The following CAMK2G variants were observed in gnomAD, a reference collection of about 807,000 sequenced individuals.
CAMK2G encodes the protein calcium/calmodulin-dependent protein kinase type II subunit gamma.
In CAMK2G, 23 loss-of-function variants were observed where a neutral mutation model predicts 88.7. That is an observed-to-expected ratio of 0.26 (90% CI 0.19 to 0.37). The LOEUF is 0.37. Ranked by LOEUF, CAMK2G falls within the 10% of genes least tolerant of loss-of-function variation. The pLI is 1.00. For synonymous variants in CAMK2G, 263 were observed against 294.8 expected (o/e 0.89, Z 1.11); for missense variants, 476 against 780.8 (o/e 0.61, Z 4.65).
intron 18 of CAMK2G, among the ~76,000 whole-genome samples, chr10:73,820,322 G>A (rs551702475): frequency 1.3e-5 from 2 of 151,798 alleles, no homozygotes; most frequent in Admixed American, 1.3e-4. Context: ...TTAGGCTAGT[G>A]GTCCTTACGG....
chr10:73,847,353 G>A lies in CAMK2G; in HGVS notation c.697-6C>T, dbSNP rs1259411979. 1.2e-6 allele frequency: 2 copies of A among 1,614,092 alleles called. No individual in the cohort carries two copies. The highest frequency in any genetic ancestry group is 1.6e-4 in the Middle Eastern group (1 of 6,062). On this transcript the variant is annotated splice_polypyrimidine_tract_variant and splice_region_variant and intron_variant, in intron 9 of 22. Transcript: ENST00000423381. ...TCCCATTCTGGTGATGGGAACTAAG[G>A]AGCAGGAATAGGGAGAAGAATGTGG...
rs757129997 is a variant in CAMK2G at position 73,813,576 on chromosome 10, G to C, written c.*942C>G. On this transcript the variant is annotated 3_prime_UTR_variant, in exon 23 of 23. Coordinates refer to ENST00000423381, the MANE Select transcript of CAMK2G (RefSeq NM_001367534.1). ...TACCGTGAAAAGGCAAGACAAAGAT[G>C]GTCCAGATCAGCACAGAAACAGAAC... is the stretch of plus-strand genomic sequence containing the variant. The C allele has an allele frequency of 2.6e-5, 4 of 152,734 alleles. No homozygotes were observed. The highest frequency in any genetic ancestry group is 5.9e-5 in the Non-Finnish European group (4 of 68,120). The allele number at this position is 152,734 out of a possible 1,614,324, so 9.5% of individuals were successfully genotyped here.
intron 14 of CAMK2G, among the ~76,000 whole-genome samples, chr10:73,836,797 C>T (rs1383819409): frequency 1.3e-5 from 2 of 152,210 alleles, no homozygotes; most frequent in Admixed American, 6.5e-5. Context: ...TGGGTAGCCC[C>T]AGTCACCTCT....
intron 17 of CAMK2G, among the ~76,000 whole-genome samples, chr10:73,822,836 TTCTC>T (rs1255347067): frequency 1.3e-5 from 2 of 152,278 alleles, no homozygotes; most frequent in East Asian, 1.9e-4. Context: ...CAAGGCCCTG[TTCTC>T]TCTGTCTAGT....
At chr10:73,835,566 C>T (rs1482803702) in intron 14 of CAMK2G, among the ~76,000 whole-genome samples, 4 of 151,354 alleles carry the variant, frequency 2.6e-5, no homozygotes, top group African/African-American at 9.7e-5. Context: ...GCTGGGATTA[C>T]AGGAGTGAAG....
chr10:73,844,863 A>T (rs767440969), intron 10 of CAMK2G, among the ~76,000 whole-genome samples: 15 of 152,158 alleles, frequency 9.9e-5, no homozygotes, highest in Non-Finnish European at 1.8e-4. Flanking sequence ...AAACAATGGC[A>T]TCTAATGGTC....
intron 10 of CAMK2G, among the ~76,000 whole-genome samples, chr10:73,843,913 T>C (rs2094016455): frequency 6.6e-6 from 1 of 152,258 alleles, no homozygotes. Context: ...TCCACACTAA[T>C]AGAAGTCTCA....
At chr10:73,825,797 A>T (rs2090748314) in intron 15 of CAMK2G, among the ~76,000 whole-genome samples, 1 of 152,206 alleles carries the variant, frequency 6.6e-6, no homozygotes, top group African/African-American at 2.4e-5. Flanking sequence ...TTTCCTTCTT[A>T]CAACACCAGC....
chr10:73,846,303 TA>T (rs2134684678), intron 10 of CAMK2G: 1 of 152,330 alleles, frequency 6.6e-6, no homozygotes, highest in African/African-American at 2.4e-5. Flanking sequence ...TAGTTTCCCA[TA>T]ACCTCTCACT....
chr10:73,835,074 C>T (rs1166712171), intron 14 of CAMK2G, among the ~76,000 whole-genome samples: 1 of 152,098 alleles, frequency 6.6e-6, no homozygotes, highest in Non-Finnish European at 1.5e-5. Context: ...CAGCAAAATC[C>T]AGCTACTCCC....
rs201095465 is a variant in CAMK2G at position 73,847,206 on chromosome 10, C to G, written c.819+19G>C. The G allele has an allele frequency of 3.1e-6, 5 of 1,613,450 alleles. No homozygotes were observed. In the South Asian group the frequency reaches 4.4e-5, roughly 14 times the overall value. ...GGCTGACACCCCTGAGCTCCTTGGC[C>G]ACTAGCAAAGACACTTACACAGACC... On this transcript the variant is annotated intron_variant, in intron 10 of 22. Coordinates refer to ENST00000423381, the MANE Select transcript of CAMK2G (RefSeq NM_001367534.1).
At chr10:73,841,988 C>A in intron 12 of CAMK2G, 181 bp downstream of exon 12, 1 of 636,776 alleles carries the variant, frequency 1.6e-6, no homozygotes, top group South Asian at 1.8e-5. Flanking sequence ...GAGTCCAGCC[C>A]CCTGAATCTC....
rs370746549 is a variant in CAMK2G at position 73,819,747 on chromosome 10, C to T, written c.1250-102G>A. Reference sequence around the variant, plus strand: ...AGCCAGACAGGCCCCGAGCCCATGGCGCTGCAGAGCCGGGGCAAGGGGACG... The same window carrying T: ...AGCCAGACAGGCCCCGAGCCCATGGTGCTGCAGAGCCGGGGCAAGGGGACG... On this transcript the variant is annotated intron_variant, in intron 18 of 22. Coordinates refer to ENST00000423381, the MANE Select transcript of CAMK2G (RefSeq NM_001367534.1). 1.2e-4 allele frequency: 88 copies of T among 711,286 alleles called. 1 individual carries two copies. Among genetic ancestry groups the T allele is most frequent in the Middle Eastern group, 1.2e-3 (3 of 2,488 alleles). 44.1% of individuals were successfully genotyped at this position (711,286 alleles called of 1,614,324 possible).
chr10:73,827,998 A>G, intron 15 of CAMK2G, 91 bp downstream of exon 15: 1 of 998,824 alleles, frequency 1.0e-6, no homozygotes, highest in Non-Finnish European at 1.6e-6. Context: ...AGGATGAGTG[A>G]GGCACACGCA....
At chr10:73,833,508 C>T (rs1471149774) in intron 14 of CAMK2G, among the ~76,000 whole-genome samples, 1 of 152,088 alleles carries the variant, frequency 6.6e-6, no homozygotes, top group Non-Finnish European at 1.5e-5. Context: ...TTCTCTGATA[C>T]TAGTGAGGCT....
chr10:73,856,445 C>T (rs1474409020), intron 3 of CAMK2G, among the ~76,000 whole-genome samples: 3 of 152,210 alleles, frequency 2.0e-5, no homozygotes, highest in Non-Finnish European at 2.9e-5. Flanking sequence ...GCAGCTACCC[C>T]GGAGCAGGCG....
At chr10:73,854,513 G>A (rs1332548900) in intron 3 of CAMK2G, among the ~76,000 whole-genome samples, 4 of 152,106 alleles carry the variant, frequency 2.6e-5, no homozygotes, top group Admixed American at 1.3e-4. Context: ...GGCCTCCCTC[G>A]GTTTGACCTT....
chr10:73,869,730 T>G (rs1451213904), intron 2 of CAMK2G, among the ~76,000 whole-genome samples: 1 of 152,256 alleles, frequency 6.6e-6, no homozygotes, highest in Non-Finnish European at 1.5e-5. Flanking sequence ...TTGCTTACAT[T>G]TAGCTTCAAA....
intron 5 of CAMK2G, 142 bp downstream of exon 5, chr10:73,852,112 G>T: frequency 1.5e-6 from 1 of 681,698 alleles, no homozygotes; most frequent in Non-Finnish European, 2.6e-6. Context: ...CAGCTCAACA[G>T]AATCTTTCTC....
Sources: gnomAD v4.1 joint callset for allele counts (sites outside exome capture counted in the v4.1 genomes callset) on GRCh38, gnomAD v4.1.1 for gene constraint, MANE v1.5 for transcripts, NCBI Gene and HGNC (gene_info 2026-07-23, HGNC 2026-07-21) for gene names.